The following WNT7A variants were observed in gnomAD, a reference collection of about 807,000 sequenced individuals.
WNT7A encodes Wnt family member 7A, also known as protein Wnt-7a.
Under a neutral mutation model 28.2 loss-of-function variants are expected in WNT7A, and 16 were observed. The ratio of observed to expected loss-of-function variants is 0.57; its 90% CI spans 0.38 to 0.86. The LOEUF (loss-of-function observed/expected upper bound fraction) is 0.86. Among genes scored for constraint, WNT7A ranks in the 40% least tolerant of loss-of-function variants. WNT7A has a pLI of 0.00. For synonymous variants in WNT7A, 190 were observed against 195.9 expected (o/e 0.97, Z 0.25); for missense variants, 411 against 489.7 (o/e 0.84, Z 1.52).
chr3:13,848,601 T>A (rs1399891505), intron 3 of WNT7A, among the ~76,000 whole-genome samples: 1 of 152,206 alleles, frequency 6.6e-6, no homozygotes, highest in Non-Finnish European at 1.5e-5. Context: ...GGTGAGGATG[T>A]GGAGCAACTG....
intron 3 of WNT7A, among the ~76,000 whole-genome samples, chr3:13,850,580 C>A (rs918590512): frequency 6.6e-6 from 1 of 152,168 alleles, no homozygotes; most frequent in Non-Finnish European, 1.5e-5. Context: ...GAGGCGCATT[C>A]CAGCAGGGGC....
At chr3:13,837,774 C>G (rs1185387509) in intron 3 of WNT7A, among the ~76,000 whole-genome samples, 1 of 152,158 alleles carries the variant, frequency 6.6e-6, no homozygotes, top group Non-Finnish European at 1.5e-5. Context: ...TGCCCTTGAC[C>G]ACCTCCATCT....
rs1346086061 is a variant in WNT7A, at chr3:13,816,497, G to A, written c.*2447C>T. The A allele has an allele frequency of 6.6e-6, 1 of 152,368 alleles. No homozygotes were observed. Among genetic ancestry groups the A allele is most frequent in the Admixed American group, 6.5e-5 (1 of 15,278 alleles). 9.4% of individuals were successfully genotyped at this position (152,368 alleles called of 1,614,324 possible). A position where few individuals can be genotyped will look rare whatever the true frequency, so the allele number is the denominator to read the frequency against. Reference sequence around the variant, plus strand: ...TGTAACTATCATTGAACACTCATCTGGGGAGGCTGGTCAGAATCTCCCCCA... The same window carrying A: ...TGTAACTATCATTGAACACTCATCTAGGGAGGCTGGTCAGAATCTCCCCCA... On this transcript the variant is annotated 3_prime_UTR_variant, in exon 4 of 4. Transcript: ENST00000285018.
At chr3:13,854,275 G>A (rs1694689195) in intron 3 of WNT7A, among the ~76,000 whole-genome samples, 1 of 152,156 alleles carries the variant, frequency 6.6e-6, no homozygotes, top group Non-Finnish European at 1.5e-5. Flanking sequence ...GTTCACATCT[G>A]TCCCTCTTTC....
Position 13,875,023 on chromosome 3 carries a change from C to T in WNT7A, c.222G>A (p.Gln74=). 1.2e-6 allele frequency: 2 copies of T among 1,614,230 alleles called. No individual in the cohort carries two copies. Among genetic ancestry groups the T allele is most frequent in the African/African-American group, 1.3e-5 (1 of 75,068 alleles). Residue 74 remains glutamine, a synonymous_variant, in exon 2 of 4, where the codon CAG becomes CAA. Transcript: ENST00000285018. The part of the protein sequence containing the change: ...EGSQMGLDEC[Q]FQFRNGRWNC... Reference sequence around the variant, plus strand: ...TCCAGCGGCCATTGCGGAACTGAAACTGACACTCGTCCAGGCCCATTTGTG... The same window carrying T: ...TCCAGCGGCCATTGCGGAACTGAAATTGACACTCGTCCAGGCCCATTTGTG...
chr3:13,861,203 G>C (rs559966337), intron 2 of WNT7A, among the ~76,000 whole-genome samples: 2 of 152,300 alleles, frequency 1.3e-5, no homozygotes, highest in South Asian at 2.1e-4. Flanking sequence ...TGAACCCTGG[G>C]CTTGGCCACC....
intron 3 of WNT7A, among the ~76,000 whole-genome samples, chr3:13,832,785 T>C (rs1279565364): frequency 1.3e-5 from 2 of 152,006 alleles, no homozygotes; most frequent in Non-Finnish European, 2.9e-5. Context: ...GTGCACCCCA[T>C]AGGACAGGGC....
At chr3:13,868,967 G>A (rs1170297924) in intron 2 of WNT7A, among the ~76,000 whole-genome samples, 4 of 128,186 alleles carry the variant, frequency 3.1e-5, no homozygotes, top group Admixed American at 8.1e-5. Flanking sequence ...AGGAAGGAAG[G>A]GAGAAAGAGA....
At chr3:13,839,458 C>G (rs946070021) in intron 3 of WNT7A, among the ~76,000 whole-genome samples, 1 of 152,146 alleles carries the variant, frequency 6.6e-6, no homozygotes, top group Non-Finnish European at 1.5e-5. Context: ...CAGCCCATGG[C>G]GTCCTTTAAA....
At chr3:13,847,282 A>C (rs1261343201) in intron 3 of WNT7A, among the ~76,000 whole-genome samples, 2 of 152,138 alleles carry the variant, frequency 1.3e-5, no homozygotes, top group Non-Finnish European at 2.9e-5. Context: ...GCTTTTCTCA[A>C]GCCCACCATG....
At chr3:13,834,973 G>T (rs1694342550) in intron 3 of WNT7A, among the ~76,000 whole-genome samples, 1 of 152,252 alleles carries the variant, frequency 6.6e-6, no homozygotes, top group Non-Finnish European at 1.5e-5. Flanking sequence ...ATGACTGAGA[G>T]CAGTAAGAAA....
At chr3:13,835,053 C>T (rs1404142726) in intron 3 of WNT7A, among the ~76,000 whole-genome samples, 1 of 151,810 alleles carries the variant, frequency 6.6e-6, no homozygotes, top group African/African-American at 2.4e-5. Context: ...GAGGAGTCGA[C>T]GAGACAAAAA....
intron 3 of WNT7A, among the ~76,000 whole-genome samples, chr3:13,830,013 C>A: frequency 6.6e-6 from 1 of 152,140 alleles, no homozygotes; most frequent in Admixed American, 6.5e-5. Context: ...GGCATGGCAA[C>A]CCCAGGGCAT....
rs766182196 is a variant in WNT7A at position 13,819,088 on chromosome 3, G to A, written c.906C>T (p.Ser302=). ...RACNKTAPQA[S]GCDLMCCGRG... The stretch of plus-strand genomic sequence containing the variant: ...GCCCACAGCACATGAGGTCACAGCC[G>A]CTGGCCTGGGGAGCCGTCTTGTTGC... Residue 302 remains serine, a synonymous_variant, in exon 4 of 4, where the codon AGC becomes AGT. Transcript: ENST00000285018. 7 of 1,613,988 alleles carry A rather than the reference G, an allele frequency of 4.3e-6. No homozygotes were observed. In the South Asian group the frequency reaches 4.4e-5, roughly 10 times the overall value.
chr3:13,854,403 AC>A, intron 3 of WNT7A, 128 bp downstream of exon 3: 1 of 1,472,412 alleles, frequency 6.8e-7, no homozygotes, highest in African/African-American at 1.4e-5. Flanking sequence ...TGATGCCAGC[AC>A]CAAGCAGAAT....
chr3:13,868,587 AGAGG>A lies in WNT7A; in HGVS notation c.298+6356_298+6359del, dbSNP rs1409851145. ...GAGAGAGAGAGAGAGAGAGAGAGAG[AGAGG>A]GAGAAAGAAAGAAAGAAAGAGAGAG... On this transcript the variant is annotated intron_variant, in intron 2 of 3. Coordinates refer to ENST00000285018, the MANE Select transcript of WNT7A (RefSeq NM_004625.4). Among the ~76,000 whole-genome samples, 51 of 15,148 alleles carry A rather than the reference AGAGG, an allele frequency of 3.4e-3. 1 individual carries two copies. Among genetic ancestry groups the A allele is most frequent in the Non-Finnish European group, 4.0e-3 (36 of 8,932 alleles). 9.9% of individuals were successfully genotyped at this position (15,148 alleles called of 152,430 possible).
chr3:13,846,142 G>A (rs1166968001), intron 3 of WNT7A, among the ~76,000 whole-genome samples: 1 of 152,244 alleles, frequency 6.6e-6, no homozygotes, highest in African/African-American at 2.4e-5. Context: ...CTGCCCCAAG[G>A]CCACAGTGAC....
Position 13,837,081 on chromosome 3 carries a change from C to T in WNT7A, c.570+17451G>A, listed in dbSNP as rs114827148. 6.8e-3 allele frequency among the ~76,000 whole-genome samples: 1,032 copies of T among 152,190 alleles called. 12 individuals carry two copies. Among genetic ancestry groups the T allele is most frequent in the African/African-American group, 0.023 (948 of 41,506 alleles). ...TGGTTTTGGGGGTGTGGGCAGTTAC[C>T]GGAGGCCAAGTGGTAGCCTCTGATG... On this transcript the variant is annotated intron_variant, in intron 3 of 3. Coordinates refer to ENST00000285018, the MANE Select transcript of WNT7A (RefSeq NM_004625.4).
At chr3:13,845,579 C>T (rs940224335) in intron 3 of WNT7A, among the ~76,000 whole-genome samples, 2 of 152,202 alleles carry the variant, frequency 1.3e-5, no homozygotes, top group East Asian at 1.9e-4. Context: ...CACAGAGAGG[C>T]AGAGTAACAT....
Sources: gnomAD v4.1 joint callset for allele counts (sites outside exome capture counted in the v4.1 genomes callset) on GRCh38, gnomAD v4.1.1 for gene constraint, MANE v1.5 for transcripts, NCBI Gene and HGNC (gene_info 2026-07-23, HGNC 2026-07-21) for gene names.